The following UGDH variants were observed in gnomAD, a reference collection of about 807,000 sequenced individuals.
UGDH encodes UDP-Glc dehydrogenase.
UGDH carries 38 observed loss-of-function variants against 50.6 expected under a neutral mutation model. The ratio of observed to expected loss-of-function variants is 0.75; its 90% CI spans 0.58 to 0.98. The LOEUF (loss-of-function observed/expected upper bound fraction) is 0.98. Among genes scored for constraint, UGDH ranks in the 50% least tolerant of loss-of-function variants. UGDH has a pLI of 0.00. For missense variants in UGDH, 465 were observed against 606.2 expected, an observed-to-expected ratio of 0.77 and a Z score of 2.45; for synonymous variants, 168 against 199.9, an observed-to-expected ratio of 0.84 and a Z score of 1.35.
intron 3 of UGDH, 57 bp downstream of exon 3, chr4:39,514,026 A>G (rs10019428): frequency 0.057 from 78,918 of 1,387,954 alleles, 6,705 homozygotes; most frequent in African/African-American, 0.35. Flanking sequence ...AAGTATGATG[A>G]AACTTTTATA....
intron 11 of UGDH, among the ~76,000 whole-genome samples, chr4:39,502,649 C>T (rs7667751): frequency 0.73 from 111,235 of 152,184 alleles, 40,945 homozygotes; most frequent in East Asian, 0.86. Context: ...TTATTAATAC[C>T]TTTGGGACTC....
At chr4:39,520,901 C>G (rs919363898) in intron 2 of UGDH, among the ~76,000 whole-genome samples, 2 of 151,476 alleles carry the variant, frequency 1.3e-5, no homozygotes, top group African/African-American at 4.8e-5. Context: ...TGGTGAAACC[C>G]CACCTCTACT....
intron 2 of UGDH, among the ~76,000 whole-genome samples, chr4:39,520,434 T>G (rs1414807498): frequency 6.6e-6 from 1 of 152,138 alleles, no homozygotes; most frequent in Non-Finnish European, 1.5e-5. Flanking sequence ...TTGCAAATGC[T>G]TTTCTGTTGA....
At position 39,508,555 on chromosome 4, in the gene UGDH, G is replaced by A. The variant is rs6815780; in HGVS notation, c.906+11C>T. 206,480 of 1,607,724 alleles carry A rather than the reference G, an allele frequency of 0.13. 20,780 individuals are homozygous for A. The highest frequency in any genetic ancestry group is 0.46 in the African/African-American group (34,363 of 73,984). On this transcript the variant is annotated intron_variant, in intron 7 of 11. Transcript: ENST00000316423. ...GGCTAAACAGAAATTATTACCTATA[G>A]AGATTAATACCTGCTGCCAATAACG...
chr4:39,512,028 A>G (rs1410871261), intron 3 of UGDH, among the ~76,000 whole-genome samples: 1 of 151,458 alleles, frequency 6.6e-6, no homozygotes, highest in Non-Finnish European at 1.5e-5. Flanking sequence ...TCATTTAGAA[A>G]AAAAAAAAAA....
chr4:39,502,463 T>C (rs532744212), intron 11 of UGDH, among the ~76,000 whole-genome samples: 1 of 152,362 alleles, frequency 6.6e-6, no homozygotes, highest in African/African-American at 2.4e-5. Context: ...CTCTCCAAGA[T>C]AGCTGGTGCT....
chr4:39,519,638 A>C (rs1746570030), intron 2 of UGDH, among the ~76,000 whole-genome samples: 1 of 152,122 alleles, frequency 6.6e-6, no homozygotes, highest in Admixed American at 6.6e-5. Flanking sequence ...TCCTGGGTAC[A>C]AGCGATTCTC....
intron 1 of UGDH, 150 bp from the exon 2 acceptor site, chr4:39,521,669 G>A (rs1746668098): frequency 1.6e-6 from 1 of 610,816 alleles, no homozygotes; most frequent in African/African-American, 1.9e-5. Context: ...TATGGAAATA[G>A]TGATTTAAAA....
chr4:39,518,069 T>C (rs957247593), intron 2 of UGDH, among the ~76,000 whole-genome samples: 5 of 151,870 alleles, frequency 3.3e-5, no homozygotes, highest in African/African-American at 1.2e-4. Context: ...GCTGGGGCTA[T>C]AGGCATGTGC....
At chr4:39,516,965 A>T (rs1746460533) in intron 2 of UGDH, among the ~76,000 whole-genome samples, 3 of 152,200 alleles carry the variant, frequency 2.0e-5, no homozygotes. Flanking sequence ...CTCAAAATGA[A>T]GACTTACATA....
intron 2 of UGDH, among the ~76,000 whole-genome samples, chr4:39,518,540 A>C (rs921422161): frequency 6.6e-6 from 1 of 151,318 alleles, no homozygotes; most frequent in Non-Finnish European, 1.5e-5. Flanking sequence ...TTAGAGACAA[A>C]GTTTCACTAT....
intron 2 of UGDH, among the ~76,000 whole-genome samples, chr4:39,518,257 A>T (rs932707309): frequency 5.3e-5 from 8 of 152,028 alleles, no homozygotes; most frequent in African/African-American, 1.9e-4. Flanking sequence ...TTGCTGATTA[A>T]TATTTAGGTT....
At chr4:39,501,420 C>A (rs1040386372) in intron 11 of UGDH, among the ~76,000 whole-genome samples, 7 of 151,976 alleles carry the variant, frequency 4.6e-5, no homozygotes, top group Non-Finnish European at 8.8e-5. Flanking sequence ...ACCACAGGTG[C>A]CTGCCACCAC....
At chr4:39,500,653 C>CTTTTTTTTTTTTTTTTTTTTTTTT (rs11284301) in intron 11 of UGDH, among the ~76,000 whole-genome samples, 1 of 135,222 alleles carries the variant, frequency 7.4e-6, no homozygotes, top group Non-Finnish European at 1.6e-5. Flanking sequence ...GCATAATTCT[C>CTTTTTTTTTTTTTTTTTTTTTTTT]TTTTTTTTTT....
In UGDH at chr4:39,526,952, C is replaced by G; in HGVS notation, c.-8+331G>C. On this transcript the variant is annotated intron_variant, in intron 1 of 11. Coordinates refer to ENST00000316423, the MANE Select transcript of UGDH (RefSeq NM_003359.4). ...AAAATGAGGTCCCCAACGAGAGAACCGCTTCCTGTGGTGGGCGTTCGGCTT... is the reference window on the plus strand; with the variant it reads ...AAAATGAGGTCCCCAACGAGAGAACGGCTTCCTGTGGTGGGCGTTCGGCTT... 4 of 1,226,228 alleles carry G rather than the reference C, an allele frequency of 3.3e-6. No homozygotes were observed. The South Asian group carries it at 3.8e-5, about 12-fold the overall frequency. The allele number at this position is 1,226,228 out of a possible 1,614,324, so 76.0% of individuals were successfully genotyped here.
chr4:39,525,673 A>ATT (rs370930187), intron 1 of UGDH, among the ~76,000 whole-genome samples: 3 of 148,150 alleles, frequency 2.0e-5, no homozygotes, highest in East Asian at 2.0e-4. Flanking sequence ...CGCCCGGCTA[A>ATT]TTTTTTTTTG....
intron 11 of UGDH, among the ~76,000 whole-genome samples, chr4:39,500,524 C>T (rs565742051): frequency 2.7e-4 from 41 of 152,284 alleles, no homozygotes; most frequent in Middle Eastern, 6.8e-3. Context: ...TATGTGCCAC[C>T]ACTGTCTTTA....
At chr4:39,524,163 T>C (rs1746783802) in intron 1 of UGDH, among the ~76,000 whole-genome samples, 1 of 152,196 alleles carries the variant, frequency 6.6e-6, no homozygotes, top group Non-Finnish European at 1.5e-5. Context: ...CTTAATCTCC[T>C]AGCCAAAAGG....
intron 1 of UGDH, chr4:39,526,934 G>T: frequency 9.5e-7 from 1 of 1,055,902 alleles, no homozygotes; most frequent in Non-Finnish European, 1.3e-6. Context: ...GCCAAAATGA[G>T]GTCCCCAACG....
Sources: gnomAD v4.1 joint callset for allele counts (sites outside exome capture counted in the v4.1 genomes callset) on GRCh38, gnomAD v4.1.1 for gene constraint, MANE v1.5 for transcripts, NCBI Gene and HGNC (gene_info 2026-07-23, HGNC 2026-07-21) for gene names.